The following PTPRT variants were observed in gnomAD, a reference collection of about 807,000 sequenced individuals.
PTPRT encodes the protein receptor-type tyrosine-protein phosphatase T.
In PTPRT, 56 loss-of-function variants were observed where a neutral mutation model predicts 176.8. The observed-to-expected ratio is 0.32, with a 90% CI of 0.26 to 0.40. The LOEUF (loss-of-function observed/expected upper bound fraction) is 0.40, where lower values mean the gene tolerates loss of function less well. PTPRT is among the 10% of genes least tolerant of loss of function. The probability of loss-of-function intolerance (pLI) is 1.00; values close to 1 mark genes in which losing one functional copy is unlikely to be tolerated. For missense variants in PTPRT, 1,540 were observed against 1,908.2 expected, an observed-to-expected ratio of 0.81 and a Z score of 3.60; for synonymous variants, 783 against 739.0, an observed-to-expected ratio of 1.06 and a Z score of -0.96.
At chr20:43,175,181 G>T (rs1194040531) in intron 1 of PTPRT, among the ~76,000 whole-genome samples, 1 of 152,232 alleles carries the variant, frequency 6.6e-6, no homozygotes, top group Non-Finnish European at 1.5e-5. Context: ...CCAGGAAAGA[G>T]AAAGAGACGG....
chr20:42,118,948 A>G (rs1987435385), intron 20 of PTPRT, among the ~76,000 whole-genome samples: 1 of 143,430 alleles, frequency 7.0e-6, no homozygotes, highest in African/African-American at 2.5e-5. Context: ...CAAAAACAGG[A>G]GATGCCTGAT....
chr20:42,106,484 A>G (rs1023792169), intron 24 of PTPRT, among the ~76,000 whole-genome samples: 1 of 152,158 alleles, frequency 6.6e-6, no homozygotes, highest in Non-Finnish European at 1.5e-5. Context: ...CAAGAATACT[A>G]TTCCAATAAT....
rs1360655958 is a variant in PTPRT at position 42,211,863 on chromosome 20, C to T, written c.2343-12475G>A. 7.9e-5 allele frequency among the ~76,000 whole-genome samples: 12 copies of T among 151,752 alleles called. No homozygotes were observed. In the East Asian group the frequency reaches 1.6e-3, roughly 20 times the overall value. On this transcript the variant is annotated intron_variant, in intron 15 of 30. Transcript: ENST00000373187. ...ACATGCACACATATGTTTATTGCGG[C>T]GTTATTCACAATAGCAAAGACTTGG...
intron 2 of PTPRT, among the ~76,000 whole-genome samples, chr20:42,818,330 A>G (rs1019942289): frequency 9.2e-5 from 14 of 151,912 alleles, no homozygotes; most frequent in Non-Finnish European, 1.8e-4. Context: ...AAGTGACAAC[A>G]ACAGCATCAA....
At chr20:42,284,290 C>T (rs1449994605) in intron 12 of PTPRT, among the ~76,000 whole-genome samples, 1 of 151,884 alleles carries the variant, frequency 6.6e-6, no homozygotes, top group African/African-American at 2.4e-5. Context: ...TATCCGTCTC[C>T]CCCAACCAAA....
In PTPRT at chr20:42,885,946, A is replaced by C. The variant is rs752179266; in HGVS notation, c.89-14T>G. 57 of 1,595,972 alleles carry C rather than the reference A, an allele frequency of 3.6e-5. No individual in the cohort carries two copies. Among genetic ancestry groups the C allele is most frequent in the Non-Finnish European group, 4.8e-5 (56 of 1,168,582 alleles). Reference sequence around the variant, plus strand: ...AGGAACAGCCACCTGTAGACAAAAGAGATATGGGTAAATACATTCCCGTGT... The same window carrying C: ...AGGAACAGCCACCTGTAGACAAAAGCGATATGGGTAAATACATTCCCGTGT... On this transcript the variant is annotated splice_polypyrimidine_tract_variant and intron_variant, in intron 1 of 30. Transcript: ENST00000373187.
chr20:42,290,156 T>TTA (rs1357879538), intron 12 of PTPRT, among the ~76,000 whole-genome samples: 3 of 152,096 alleles, frequency 2.0e-5, no homozygotes, highest in Admixed American at 6.6e-5. Context: ...TGTTCTCGGA[T>TTA]TATATAAGTC....
chr20:42,041,189 C>A, the PTPRT span, among the ~76,000 whole-genome samples: 1 of 152,182 alleles, frequency 6.6e-6, no homozygotes, highest in Admixed American at 6.5e-5. Context: ...GTCCAATCCA[C>A]TACTGCCCTC....
intron 2 of PTPRT, among the ~76,000 whole-genome samples, chr20:42,864,239 A>G (rs1277677429): frequency 2.6e-5 from 4 of 152,214 alleles, no homozygotes; most frequent in African/African-American, 2.4e-5. Context: ...CAGCCACTCA[A>G]TATAAGGGGC....
chr20:42,288,015 T>G (rs2057259635), intron 12 of PTPRT, among the ~76,000 whole-genome samples: 1 of 152,020 alleles, frequency 6.6e-6, no homozygotes. Flanking sequence ...TACATTTTTT[T>G]GTTACAACAT....
At chr20:42,922,746 T>C (rs563688733) in intron 1 of PTPRT, among the ~76,000 whole-genome samples, 1 of 152,314 alleles carries the variant, frequency 6.6e-6, no homozygotes, top group South Asian at 2.1e-4. Context: ...GCTGCTTCCA[T>C]CTGCCCCAGA....
At chr20:42,998,359 A>G (rs941653240) in intron 1 of PTPRT, among the ~76,000 whole-genome samples, 2 of 152,194 alleles carry the variant, frequency 1.3e-5, no homozygotes, top group Admixed American at 6.5e-5. Flanking sequence ...ATTCTGCGGT[A>G]AGCTGAGATA....
intron 9 of PTPRT, among the ~76,000 whole-genome samples, chr20:42,384,949 A>G (rs2058731152): frequency 1.3e-5 from 2 of 152,088 alleles, no homozygotes; most frequent in Admixed American, 6.6e-5. Flanking sequence ...TTTTCTTGGT[A>G]TTGACTTATA....
intron 2 of PTPRT, among the ~76,000 whole-genome samples, chr20:42,792,205 C>G (rs529370811): frequency 6.2e-4 from 94 of 152,322 alleles, no homozygotes; most frequent in Admixed American, 9.8e-4. Context: ...ATCACAGCCA[C>G]ATGGCCCAAA....
At chr20:42,247,471 G>A (rs73271012) in intron 14 of PTPRT, among the ~76,000 whole-genome samples, 2,161 of 151,184 alleles carry the variant, frequency 0.014, 44 homozygotes, top group African/African-American at 0.051. Flanking sequence ...TTAGTTGTTA[G>A]GGGTATTCTG....
At chr20:42,171,271 T>A (rs1044757203) in intron 16 of PTPRT, among the ~76,000 whole-genome samples, 5 of 152,066 alleles carry the variant, frequency 3.3e-5, no homozygotes, top group Admixed American at 1.3e-4. Context: ...GAAGTCTTGT[T>A]ATAAAAAAAG....
intron 7 of PTPRT, among the ~76,000 whole-genome samples, chr20:42,545,239 C>A (rs1019475917): frequency 1.3e-5 from 2 of 152,174 alleles, no homozygotes; most frequent in Non-Finnish European, 2.9e-5. Context: ...TAGTACCGGT[C>A]AAGCCACACA....
chr20:42,536,431 CTTA>C (rs1005230572), intron 7 of PTPRT, among the ~76,000 whole-genome samples: 12 of 152,170 alleles, frequency 7.9e-5, no homozygotes, highest in African/African-American at 2.9e-4. Context: ...CACCAATTTT[CTTA>C]TTAATGATTT....
chr20:42,754,191 AAAT>A (rs1293317278), intron 6 of PTPRT, among the ~76,000 whole-genome samples: 4 of 147,332 alleles, frequency 2.7e-5, no homozygotes, highest in South Asian at 2.2e-4. Flanking sequence ...TCTTCAAAAA[AAAT>A]TTTTTTTTTG....
Sources: allele counts gnomAD v4.1 joint callset (sites outside exome capture counted in the v4.1 genomes callset), GRCh38; gene constraint gnomAD v4.1.1; transcripts MANE v1.5; gene names NCBI Gene and HGNC (gene_info 2026-07-23, HGNC 2026-07-21).